The following GABRA5 variants were observed in gnomAD, a reference collection of about 807,000 sequenced individuals.
GABRA5 encodes gamma-aminobutyric acid receptor subunit alpha-5.
GABRA5 carries 18 observed loss-of-function variants against 47.3 expected under a neutral mutation model. The ratio of observed to expected loss-of-function variants is 0.38; its 90% CI spans 0.26 to 0.56. The LOEUF is 0.56. GABRA5 is among the 20% of genes least tolerant of loss of function. The pLI is 0.71. For missense variants in GABRA5, 365 were observed against 599.3 expected, an observed-to-expected ratio of 0.61 and a Z score of 4.08; for synonymous variants, 237 against 229.3, an observed-to-expected ratio of 1.03 and a Z score of -0.30.
At chr15:26,936,531 ATCT>A (rs1184038634) in intron 7 of GABRA5, among the ~76,000 whole-genome samples, 3 of 152,148 alleles carry the variant, frequency 2.0e-5, no homozygotes, top group Non-Finnish European at 4.4e-5. Context: ...ATCACATATA[ATCT>A]TCTGATATTA....
intron 9 of GABRA5, among the ~76,000 whole-genome samples, chr15:26,941,740 G>A (rs560488792): frequency 6.6e-6 from 1 of 152,134 alleles, no homozygotes; most frequent in Non-Finnish European, 1.5e-5. Context: ...TTCCTGGCCT[G>A]TCTCCTGGCC....
intron 3 of GABRA5, among the ~76,000 whole-genome samples, chr15:26,878,351 C>A (rs533748660): frequency 6.6e-6 from 1 of 152,332 alleles, no homozygotes; most frequent in South Asian, 2.1e-4. Context: ...ACACCAGGGG[C>A]TGAGAAAACA....
rs375424688 is a variant in GABRA5, at chr15:26,888,988, G to A, written c.497+5431G>A. On this transcript the variant is annotated intron_variant, in intron 6 of 10. Transcript: ENST00000335625. ...GCCGCTGCTCCACCCAAGGTCACTTGCCCGTGCCTGTTTAATAGAAAGATC... is the reference window on the plus strand; with the variant it reads ...GCCGCTGCTCCACCCAAGGTCACTTACCCGTGCCTGTTTAATAGAAAGATC... Among the ~76,000 whole-genome samples, 90 of 152,328 alleles carry A rather than the reference G, an allele frequency of 5.9e-4. 1 individual carries two copies. Among genetic ancestry groups the A allele is most frequent in the African/African-American group, 2.1e-3 (88 of 41,578 alleles).
In GABRA5 at chr15:26,883,612, C is replaced by CT; in HGVS notation, c.497+56dup. 7.5e-7 allele frequency: 1 copy of CT among 1,327,454 alleles called. No homozygotes were observed. Among genetic ancestry groups the CT allele is most frequent in the South Asian group, 1.4e-5 (1 of 70,760 alleles). 82.2% of individuals were successfully genotyped at this position (1,327,454 alleles called of 1,614,324 possible). ...GGGGGACGGTGCGGGGCAGGCGCGG[C>CT]TGCCCATCCTGCCGCAAGAGCTGCG... On this transcript the variant is annotated intron_variant, in intron 6 of 10. Coordinates refer to ENST00000335625, the MANE Select transcript of GABRA5 (RefSeq NM_000810.4). The surrounding 1 kb of genome is among the most constrained non-coding windows in gnomAD (Gnocchi z 4.8).
Position 26,883,676 on chromosome 15 carries a change from G to A in GABRA5, c.497+119G>A. On this transcript the variant is annotated intron_variant, in intron 6 of 10. Transcript: ENST00000335625. This position sits in a 1 kb window ranked among gnomAD's most constrained non-coding sequence, Gnocchi z 4.8. ...CTGACCATAGGTCTGAGACTGCGGC[G>A]CGTGTGTGCTGGGGGTTCCCCGTTG... The A allele has an allele frequency of 1.3e-6, 1 of 792,718 alleles. No homozygotes were observed. The highest frequency in any genetic ancestry group is 1.9e-6 in the Non-Finnish European group (1 of 524,322). The allele number at this position is 792,718 out of a possible 1,614,324, so 49.1% of individuals were successfully genotyped here.
chr15:26,876,632 A>G (rs1401587635), intron 3 of GABRA5, among the ~76,000 whole-genome samples: 1 of 152,216 alleles, frequency 6.6e-6, no homozygotes, highest in Non-Finnish European at 1.5e-5. Context: ...AAGGCCTGGC[A>G]GAGTGGTTAC....
intron 6 of GABRA5, among the ~76,000 whole-genome samples, chr15:26,911,250 A>AAACTG (rs1893576687): frequency 6.6e-6 from 1 of 152,084 alleles, no homozygotes; most frequent in South Asian, 2.1e-4. Flanking sequence ...AATTGTAGAA[A>AAACTG]AACTGTCTTT....
At chr15:26,880,380 G>C (rs565113727) in intron 3 of GABRA5, among the ~76,000 whole-genome samples, 1 of 152,076 alleles carries the variant, frequency 6.6e-6, no homozygotes, top group Non-Finnish European at 1.5e-5. Context: ...GATGCAGTGA[G>C]GTTTGGGAAC....
chr15:26,944,720 C>G (rs1372987552), intron 10 of GABRA5, among the ~76,000 whole-genome samples: 1 of 152,140 alleles, frequency 6.6e-6, no homozygotes, highest in East Asian at 1.9e-4. Flanking sequence ...TCTGGGGAGA[C>G]GGGGCTTCCC....
chr15:26,918,273 A>G (rs1055612269), intron 7 of GABRA5, among the ~76,000 whole-genome samples: 2 of 152,020 alleles, frequency 1.3e-5, no homozygotes, highest in Non-Finnish European at 2.9e-5. Context: ...TGGTTGTACA[A>G]ATGTGTGTTG....
intron 6 of GABRA5, among the ~76,000 whole-genome samples, chr15:26,909,325 C>A (rs1893522720): frequency 6.6e-6 from 1 of 152,188 alleles, no homozygotes; most frequent in South Asian, 2.1e-4. Context: ...AGGAAAACCT[C>A]CCATCTCTAA....
chr15:26,943,789 G>T (rs979220884), intron 10 of GABRA5, among the ~76,000 whole-genome samples: 1 of 152,096 alleles, frequency 6.6e-6, no homozygotes, highest in African/African-American at 2.4e-5. Context: ...AGGTCGAGAA[G>T]GGGGCACCAA....
intron 6 of GABRA5, among the ~76,000 whole-genome samples, chr15:26,889,424 T>C (rs55734004): frequency 0.015 from 2,212 of 152,192 alleles, 56 homozygotes; most frequent in African/African-American, 0.051. Flanking sequence ...TCTAATGCAG[T>C]ATAGCTAGCT....
chr15:26,921,427 G>C lies in GABRA5; in HGVS notation c.580+6542G>C, dbSNP rs555768400. Among the ~76,000 whole-genome samples the C allele has an allele frequency of 5.9e-5, 9 of 152,144 alleles. No individual in the cohort carries two copies. The South Asian group carries it at 1.9e-3, about 32-fold the overall frequency. On this transcript the variant is annotated intron_variant, in intron 7 of 10. Transcript: ENST00000335625. ...AGTTGTTCATAGTTGTTATATTACT[G>C]TCTTGATGTCTGCAGTGTCTGTAGT...
chr15:26,895,826 A>AAAG (rs1220412711), intron 6 of GABRA5, among the ~76,000 whole-genome samples: 4 of 136,056 alleles, frequency 2.9e-5, no homozygotes, highest in Admixed American at 7.3e-5. Context: ...AAAAAAAAAA[A>AAAG]AAGAAGAAGA....
At chr15:26,914,968 C>T in intron 7 of GABRA5, 83 bp downstream of exon 7, 1 of 1,065,322 alleles carries the variant, frequency 9.4e-7, no homozygotes, top group Non-Finnish European at 1.4e-6. Flanking sequence ...TTAGGTTCTG[C>T]ATATACATAA....
chr15:26,945,827 C>T (rs917037240), intron 10 of GABRA5, among the ~76,000 whole-genome samples: 1 of 152,102 alleles, frequency 6.6e-6, no homozygotes, highest in Non-Finnish European at 1.5e-5. Flanking sequence ...GCCCCCACCC[C>T]TGCTGCACAT....
At chr15:26,937,010 C>T (rs974971872) in intron 7 of GABRA5, among the ~76,000 whole-genome samples, 175 bp from the exon 8 acceptor site, 3 of 152,144 alleles carry the variant, frequency 2.0e-5, no homozygotes, top group Admixed American at 6.5e-5. Flanking sequence ...GGGAAGATGC[C>T]GAACTGCAGT....
intron 9 of GABRA5, among the ~76,000 whole-genome samples, chr15:26,940,413 C>T (rs1342175415): frequency 2.6e-5 from 4 of 152,080 alleles, no homozygotes; most frequent in Non-Finnish European, 4.4e-5. Flanking sequence ...TGCTTGGGAC[C>T]GGAAGTGTTT....
Sources: gnomAD v4.1 joint callset for allele counts (sites outside exome capture counted in the v4.1 genomes callset) on GRCh38, gnomAD v4.1.1 for gene constraint, Gnocchi (gnomAD v3.1) non-coding constraint, MANE v1.5 for transcripts, NCBI Gene and HGNC (gene_info 2026-07-23, HGNC 2026-07-21) for gene names.